The following SAMD10 variants were observed in gnomAD, a reference collection of about 807,000 sequenced individuals.
SAMD10 encodes the protein sterile alpha motif domain-containing protein 10.
A neutral mutation model predicts 22.5 loss-of-function variants in SAMD10; 16 were observed. The ratio of observed to expected loss-of-function variants is 0.71; its 90% confidence interval spans 0.48 to 1.08. SAMD10 has a LOEUF of 1.08. Among genes scored for constraint, SAMD10 ranks in the 50% least tolerant of loss-of-function variants. The pLI is 0.00. For synonymous variants in SAMD10, 118 were observed against 122.2 expected, an observed-to-expected ratio of 0.97 and a Z score of 0.23; for missense variants, 227 against 281.3, an observed-to-expected ratio of 0.81 and a Z score of 1.38.
rs2059048920 is a variant in SAMD10 at position 63,979,458 on chromosome 20, C to T, written c.10G>A (p.Glu4Lys). Residue 4 changes from glutamate to lysine, a missense_variant, in exon 1 of 5, where the codon GAG (glutamate) becomes AAG (lysine). By Grantham distance (56) the Glu-to-Lys change is moderately conservative. Transcript: ENST00000369886. This position sits in a 1 kb window ranked among gnomAD's most constrained non-coding sequence, Gnocchi z 7.7. ...GGGGGGCTCAGCTTGGACCTCAGCT[C>T]GGTGAACATGGGGCCCGCGGGTGCC... The part of the protein sequence containing the change: MFT[E>K]LRSKLSPPRG... 34 of 1,432,192 alleles carry T rather than the reference C, an allele frequency of 2.4e-5. No individual in the cohort carries two copies. The highest frequency in any genetic ancestry group is 3.0e-5 in the Non-Finnish European group (33 of 1,097,854). 88.7% of individuals were successfully genotyped at this position (1,432,192 alleles called of 1,614,324 possible).
In SAMD10 at chr20:63,975,750, C is replaced by T. The variant is rs151101129; in HGVS notation, c.528G>A (p.Gln176=). ...AQEAQRQEVL[Q]QVLRLQVREE... Reference sequence around the variant, plus strand: ...CACGCACCTGCAGGCGGAGCACCTGCTGCAGCACCTCCTGCCTCTGGGCCT... The same window carrying T: ...CACGCACCTGCAGGCGGAGCACCTGTTGCAGCACCTCCTGCCTCTGGGCCT... The change falls in exon 4 of 5, where the codon CAG becomes CAA. Residue 176 remains glutamine, a synonymous_variant. Transcript: ENST00000369886. 9 of 1,605,144 alleles carry T rather than the reference C, an allele frequency of 5.6e-6. No homozygotes were observed. The highest frequency in any genetic ancestry group is 1.3e-5 in the African/African-American group (1 of 74,862).
At chr20:63,978,296 C>T (rs1249254321) in intron 1 of SAMD10, 5 of 1,302,430 alleles carry the variant, frequency 3.8e-6, no homozygotes, top group African/African-American at 1.5e-5. Context: ...CAGAGGGGCA[C>T]CCCACATTCA....
At position 63,977,382 on chromosome 20, in the gene SAMD10, C is replaced by T. The variant is rs768110470; in HGVS notation, c.116G>A (p.Arg39Gln). ...TGACACCGTGTGCTCCAGGAGGGTCCGGCAGAAGCTGAAGTGGGCAGTGGC... is the reference window on the plus strand; with the variant it reads ...TGACACCGTGTGCTCCAGGAGGGTCTGGCAGAAGCTGAAGTGGGCAGTGGC... ...VDATAHFSFCRTLLEHTVSAE... is the reference protein window; with the variant it reads ...VDATAHFSFCQTLLEHTVSAE... Residue 39 changes from arginine to glutamine, a missense_variant, in exon 2 of 5, where the codon CGG (arginine) becomes CAG (glutamine). By Grantham distance (43) the Arg-to-Gln change is conservative (BLOSUM62 1). Coordinates refer to ENST00000369886, the MANE Select transcript of SAMD10 (RefSeq NM_080621.5). The surrounding 1 kb of genome is among the most constrained non-coding windows in gnomAD (Gnocchi z 5.4). 2.1e-5 allele frequency: 34 copies of T among 1,612,928 alleles called. No homozygotes were observed. Among genetic ancestry groups the T allele is most frequent in the East Asian group, 6.7e-5 (3 of 44,886 alleles).
chr20:63,975,513 G>C lies in SAMD10; in HGVS notation c.606C>G (p.Ser202=), dbSNP rs373575585. 1.0e-5 allele frequency: 16 copies of C among 1,607,754 alleles called. No individual in the cohort carries two copies. The African/African-American group carries it at 1.9e-4, about 19-fold the overall frequency. ...TGGGTTCAAGCCTCAGCAGCAGCTA[G>C]GACATTTTCCCGAAGGAAGCTGTGT... ...LLSQASFGKM[S] is the part of the protein sequence containing the mutation. Residue 202 remains serine (S), a synonymous_variant, in exon 5 of 5, where the codon TCC becomes TCG. Transcript: ENST00000369886.
chr20:63,979,839 G>C (rs756080308), upstream of SAMD10: 2 of 252,452 alleles, frequency 7.9e-6, no homozygotes, highest in Non-Finnish European at 1.3e-5. The surrounding 1 kb of genome is among the most constrained non-coding windows in gnomAD (Gnocchi z 7.7). Context: ...CATCTCACAG[G>C]GGTCTTCTAC....
chr20:63,978,356 C>T, intron 1 of SAMD10: 1 of 1,276,932 alleles, frequency 7.8e-7, no homozygotes, highest in Non-Finnish European at 1.0e-6. Flanking sequence ...TGCAAGTGAA[C>T]AGAGCCTGTG....
At position 63,977,230 on chromosome 20, in the gene SAMD10, G is replaced by C. The variant is rs368187830; in HGVS notation, c.268C>G (p.Pro90Ala). 6.2e-7 allele frequency: 1 copy of C among 1,613,558 alleles called. No homozygotes were observed. The highest frequency in any genetic ancestry group is 1.1e-5 in the South Asian group (1 of 91,036). The change falls in exon 2 of 5, where the codon CCC becomes GCC. Residue 90 changes from proline to alanine, a missense_variant. Physicochemically the swap from Pro to Ala is conservative, Grantham distance 27 (BLOSUM62 -1). Transcript: ENST00000369886. This position sits in a 1 kb window ranked among gnomAD's most constrained non-coding sequence, Gnocchi z 5.4. ...KLLQQPGTDT[P>A]QGRLYSDHYG... is the part of the protein sequence containing the mutation. ...TGGGTGGAGTGGGTGGGTACCTGGG[G>C]GGTGTCTGTGCCGGGCTGCTGCAGG...
In SAMD10 at chr20:63,975,326, C is replaced by T. The variant is rs572667308; in HGVS notation, c.*184G>A. The T allele has an allele frequency of 1.8e-5, 12 of 661,980 alleles. No individual in the cohort carries two copies. Among genetic ancestry groups the T allele is most frequent in the South Asian group, 9.3e-5 (5 of 53,542 alleles). The allele number at this position is 661,980 out of a possible 1,614,324, so 41.0% of individuals were successfully genotyped here. A position where few individuals can be genotyped will look rare whatever the true frequency, so the allele number is the denominator to read the frequency against. ...CCCCTACCCACCCAGCCCCAGGGCA[C>T]GACCTGGAATGTCCAACCAGAGGCG... On this transcript the variant is annotated 3_prime_UTR_variant, in exon 5 of 5. Transcript: ENST00000369886.
At position 63,977,435 on chromosome 20, in the gene SAMD10, G is replaced by A; in HGVS notation, c.92-29C>T. The A allele has an allele frequency of 1.9e-6, 3 of 1,607,348 alleles. No individual in the cohort carries two copies. The highest frequency in any genetic ancestry group is 2.6e-6 in the Non-Finnish European group (3 of 1,176,170). ...TGTGTGGGGGTGCCTGGTCAGGGCA[G>A]TCAAGGGCAGAACCAGAGGCTTCCT... is the stretch of plus-strand genomic sequence containing the variant. On this transcript the variant is annotated intron_variant, in intron 1 of 4. Transcript: ENST00000369886. This position sits in a 1 kb window ranked among gnomAD's most constrained non-coding sequence, Gnocchi z 5.4.
Position 63,977,139 on chromosome 20 carries a change from G to C in SAMD10, c.277C>G (p.Arg93Gly), listed in dbSNP as rs199900212. The change falls in exon 3 of 5, where the codon CGG (arginine) becomes GGG (glycine). Residue 93 changes from arginine (R) to glycine (G), a missense_variant. By Grantham distance (125) the Arg-to-Gly change is moderately radical. Transcript: ENST00000369886. The surrounding 1 kb of genome is among the most constrained non-coding windows in gnomAD (Gnocchi z 5.4). ...AGGCCATAGTGGTCAGAGTACAGCC[G>C]GCCCTGCAGGGGAGGGGCGTGGCAG... Reference protein sequence around the residue: ...QQPGTDTPQGRLYSDHYGLYH... With the variant: ...QQPGTDTPQGGLYSDHYGLYH... 6.2e-7 allele frequency: 1 copy of C among 1,613,474 alleles called. No homozygotes were observed. Among genetic ancestry groups the C allele is most frequent in the South Asian group, 1.1e-5 (1 of 91,084 alleles).
intron 3 of SAMD10, 45 bp from the exon 4 acceptor site, chr20:63,975,877 CAA>C (rs1569205743): frequency 6.6e-7 from 1 of 1,508,564 alleles, no homozygotes; most frequent in East Asian, 2.5e-5. Flanking sequence ...ACAGAGGCAT[CAA>C]GAGCCAAGGC....
At position 63,977,536 on chromosome 20, in the gene SAMD10, A is replaced by G; in HGVS notation, c.92-130T>C. 1.1e-6 allele frequency: 1 copy of G among 900,488 alleles called. No homozygotes were observed. Among genetic ancestry groups the G allele is most frequent in the South Asian group, 1.6e-5 (1 of 61,218 alleles). 55.8% of individuals were successfully genotyped at this position (900,488 alleles called of 1,614,324 possible). ...ATCACCTCCCCAATGAGGGGTTCCC[A>G]AGCCTCCAAAGGCAGAAGGAAGTGT... On this transcript the variant is annotated intron_variant, in intron 1 of 4. Coordinates refer to ENST00000369886, the MANE Select transcript of SAMD10 (RefSeq NM_080621.5). This position sits in a 1 kb window ranked among gnomAD's most constrained non-coding sequence, Gnocchi z 5.4.
At chr20:63,978,042 C>T (rs1472336382) in intron 1 of SAMD10, among the ~76,000 whole-genome samples, 1 of 152,230 alleles carries the variant, frequency 6.6e-6, no homozygotes, top group Non-Finnish European at 1.5e-5. Flanking sequence ...AGCTGTGCCG[C>T]CCCCCACAGG....
At chr20:63,978,300 ACATT>A in intron 1 of SAMD10, 2 of 1,302,942 alleles carry the variant, frequency 1.5e-6, no homozygotes, top group Non-Finnish European at 2.0e-6. Context: ...GGGGCACCCC[ACATT>A]CATTGTCAAT....
intron 4 of SAMD10, 57 bp downstream of exon 4, chr20:63,975,635 C>G (rs913465174): frequency 9.5e-6 from 15 of 1,573,858 alleles, no homozygotes; most frequent in Non-Finnish European, 1.1e-5. Flanking sequence ...CATCCCACCC[C>G]ACACTCAGAG....
At chr20:63,978,323 GAA>G in intron 1 of SAMD10, 1 of 1,301,530 alleles carries the variant, frequency 7.7e-7, no homozygotes, top group Non-Finnish European at 1.0e-6. Context: ...ATGAATGAAT[GAA>G]TGAAGGCTCT....
intron 3 of SAMD10, among the ~76,000 whole-genome samples, chr20:63,976,764 C>CAGAAAAAAAAAAA (rs2059025094): frequency 1.6e-5 from 1 of 63,894 alleles, no homozygotes; most frequent in African/African-American, 6.7e-5. Context: ...TCTGTCTCAC[C>CAGAAAAAAAAAAA]AAAAAAAAAA....
intron 3 of SAMD10, 145 bp downstream of exon 3, chr20:63,976,826 G>A (rs1187285800): frequency 1.6e-6 from 1 of 638,762 alleles, no homozygotes; most frequent in Non-Finnish European, 2.7e-6. Flanking sequence ...AGATTCTGCG[G>A]AGATGAAGAA....
In SAMD10 at chr20:63,979,344, GA is replaced by G. The variant is rs1273893056; in HGVS notation, c.91+32del. 1 of 1,410,578 alleles carries G rather than the reference GA, an allele frequency of 7.1e-7. No individual in the cohort carries two copies. Among genetic ancestry groups the G allele is most frequent in the Non-Finnish European group, 9.3e-7 (1 of 1,072,662 alleles). 87.4% of individuals were successfully genotyped at this position (1,410,578 alleles called of 1,614,324 possible). The stretch of plus-strand genomic sequence containing the variant: ...CTGGGTCCCTGAGACCCCCGCCCGA[GA>G]AATCCCCGCTCCCCAATCCAGCCCC... On this transcript the variant is annotated intron_variant, in intron 1 of 4. Transcript: ENST00000369886. The surrounding 1 kb of genome is among the most constrained non-coding windows in gnomAD (Gnocchi z 7.7).
Sources: allele counts gnomAD v4.1 joint callset (sites outside exome capture counted in the v4.1 genomes callset), GRCh38; gene constraint gnomAD v4.1.1; non-coding constraint Gnocchi (gnomAD v3.1); transcripts MANE v1.5; gene names NCBI Gene and HGNC (gene_info 2026-07-23, HGNC 2026-07-21).